Variants in RPS6KA5 observed in about 807,000 individuals in gnomAD.
The protein encoded by RPS6KA5 is ribosomal protein S6 kinase A5.
Under a neutral mutation model 85.5 loss-of-function variants are expected in RPS6KA5, and 27 were observed. The ratio of observed to expected loss-of-function variants is 0.32; its 90% CI spans 0.23 to 0.44. RPS6KA5 has a LOEUF of 0.44. Among genes scored for constraint, RPS6KA5 ranks in the 20% least tolerant of loss-of-function variants. RPS6KA5 has a pLI of 1.00. For missense variants in RPS6KA5, 811 were observed against 980.9 expected, an observed-to-expected ratio of 0.83 and a Z score of 2.31; for synonymous variants, 334 against 348.2, an observed-to-expected ratio of 0.96 and a Z score of 0.46.
At chr14:90,884,373 C>T (rs541341725) in intron 14 of RPS6KA5, among the ~76,000 whole-genome samples, 1 of 152,298 alleles carries the variant, frequency 6.6e-6, no homozygotes, top group South Asian at 2.1e-4. Context: ...GAAATGCTCA[C>T]TGGGGCACTT....
At chr14:90,923,326 A>G in intron 5 of RPS6KA5, 130 bp from the exon 6 acceptor site, 1 of 693,886 alleles carries the variant, frequency 1.4e-6, no homozygotes, top group Admixed American at 2.2e-5. Context: ...TACTTGACAG[A>G]CCCACTCTTC....
chr14:90,998,895 C>A (rs1403311813), intron 2 of RPS6KA5, among the ~76,000 whole-genome samples: 1 of 152,156 alleles, frequency 6.6e-6, no homozygotes, highest in Non-Finnish European at 1.5e-5. Context: ...CATGAAGGCT[C>A]ATTACTAAAT....
intron 5 of RPS6KA5, among the ~76,000 whole-genome samples, chr14:90,926,638 T>C (rs1004833185): frequency 1.4e-5 from 2 of 147,366 alleles, no homozygotes; most frequent in Non-Finnish European, 3.0e-5. Flanking sequence ...GACATATATA[T>C]GTATGTGTAT....
chr14:90,884,043 A>C (rs957625819), intron 14 of RPS6KA5, among the ~76,000 whole-genome samples: 4 of 152,252 alleles, frequency 2.6e-5, no homozygotes, highest in African/African-American at 9.6e-5. Context: ...CACTTCATCC[A>C]GAGGAGGAGG....
chr14:90,875,164 A>G (rs2033372261), intron 15 of RPS6KA5, 37 bp downstream of exon 15: 2 of 1,578,202 alleles, frequency 1.3e-6, no homozygotes, highest in Non-Finnish European at 1.7e-6. Flanking sequence ...CAATCACTAC[A>G]CATCATATAA....
intron 8 of RPS6KA5, among the ~76,000 whole-genome samples, chr14:90,904,635 G>A (rs577961259): frequency 6.6e-6 from 1 of 152,248 alleles, no homozygotes; most frequent in African/African-American, 2.4e-5. Flanking sequence ...GTAATTTAAA[G>A]AAACATGTTG....
At chr14:91,023,314 A>T (rs948498677) in intron 1 of RPS6KA5, among the ~76,000 whole-genome samples, 1 of 150,858 alleles carries the variant, frequency 6.6e-6, no homozygotes, top group African/African-American at 2.4e-5. Flanking sequence ...TTGGAGACAG[A>T]GTCTCACTCT....
intron 3 of RPS6KA5, among the ~76,000 whole-genome samples, chr14:90,962,777 T>C (rs1267333460): frequency 1.3e-5 from 2 of 152,182 alleles, no homozygotes; most frequent in Non-Finnish European, 2.9e-5. Flanking sequence ...ACTAATTGTT[T>C]ACATTTTGTT....
At chr14:91,059,973 A>AC in intron 1 of RPS6KA5, 1 of 930,746 alleles carries the variant, frequency 1.1e-6, no homozygotes, top group Non-Finnish European at 1.3e-6. Context: ...ACGCGGAGGC[A>AC]GGCGCACCTT....
chr14:91,055,783 C>A (rs2043288008), intron 1 of RPS6KA5, among the ~76,000 whole-genome samples: 1 of 152,108 alleles, frequency 6.6e-6, no homozygotes, highest in Non-Finnish European at 1.5e-5. Context: ...AAAAACAAAA[C>A]AACAACAAAA....
chr14:91,015,024 A>C (rs2041427016), intron 1 of RPS6KA5, among the ~76,000 whole-genome samples: 1 of 152,226 alleles, frequency 6.6e-6, no homozygotes, highest in Non-Finnish European at 1.5e-5. Flanking sequence ...AAGAATGGTT[A>C]ATTCAAATAC....
At chr14:90,897,506 T>C (rs185899078) in intron 12 of RPS6KA5, among the ~76,000 whole-genome samples, 1 of 152,320 alleles carries the variant, frequency 6.6e-6, no homozygotes, top group African/African-American at 2.4e-5. Flanking sequence ...CACCCATTAG[T>C]TGAAGAAAAG....
chr14:91,026,920 T>C (rs2042010619), intron 1 of RPS6KA5, among the ~76,000 whole-genome samples: 1 of 152,242 alleles, frequency 6.6e-6, no homozygotes, highest in South Asian at 2.1e-4. Context: ...CTTGCATGTC[T>C]TCCTTTGAGA....
intron 14 of RPS6KA5, among the ~76,000 whole-genome samples, chr14:90,889,666 G>A (rs2140190584): frequency 6.6e-6 from 1 of 152,124 alleles, no homozygotes; most frequent in Non-Finnish European, 1.5e-5. Context: ...GTAAATAAAT[G>A]GTTACATAAG....
At chr14:91,034,423 G>A (rs1416017557) in intron 1 of RPS6KA5, among the ~76,000 whole-genome samples, 1 of 152,086 alleles carries the variant, frequency 6.6e-6, no homozygotes, top group African/African-American at 2.4e-5. Flanking sequence ...TCTAGCTAGA[G>A]GATTATAAAC....
At chr14:90,947,741 C>A (rs2037948137) in intron 3 of RPS6KA5, among the ~76,000 whole-genome samples, 191 bp from the exon 4 acceptor site, 1 of 152,112 alleles carries the variant, frequency 6.6e-6, no homozygotes, top group Non-Finnish European at 1.5e-5. Flanking sequence ...ATAATGATTA[C>A]CTTAAATATA....
intron 6 of RPS6KA5, among the ~76,000 whole-genome samples, chr14:90,921,356 T>C (rs932488529): frequency 6.6e-6 from 1 of 152,204 alleles, no homozygotes; most frequent in African/African-American, 2.4e-5. Flanking sequence ...ATTTAATAAC[T>C]GTCAGGTTGT....
chr14:91,043,590 C>A (rs1236066540), intron 1 of RPS6KA5, among the ~76,000 whole-genome samples: 2 of 152,152 alleles, frequency 1.3e-5, no homozygotes, highest in Non-Finnish European at 2.9e-5. Context: ...CACTGGGTTG[C>A]TGTTTAGGTT....
intron 12 of RPS6KA5, among the ~76,000 whole-genome samples, chr14:90,894,843 C>A (rs1370978020): frequency 6.6e-6 from 1 of 152,050 alleles, no homozygotes; most frequent in East Asian, 1.9e-4. Flanking sequence ...GTGATGAATT[C>A]TTTCATTTGC....
Sources: gnomAD v4.1 joint callset for allele counts (sites outside exome capture counted in the v4.1 genomes callset) on GRCh38, gnomAD v4.1.1 for gene constraint, MANE v1.5 for transcripts, NCBI Gene and HGNC (gene_info 2026-07-23, HGNC 2026-07-21) for gene names.